The following NSUN6 variants were observed in gnomAD, a reference collection of about 807,000 sequenced individuals.
NSUN6 encodes the protein NOP2/Sun RNA methyltransferase 6.
In NSUN6, 64 loss-of-function variants were observed where a neutral mutation model predicts 58.0. The ratio of observed to expected loss-of-function variants is 1.10; its 90% CI spans 0.90 to 1.36. NSUN6 has a LOEUF of 1.36. Among genes scored for constraint, NSUN6 ranks in the 40% most tolerant of loss-of-function variants. The probability of loss-of-function intolerance (pLI) is 0.00; values close to 1 mark genes in which losing one functional copy is unlikely to be tolerated. For missense variants in NSUN6, 701 were observed against 550.1 expected (o/e 1.27, Z -2.74); for synonymous variants, 231 against 193.9 (o/e 1.19, Z -1.59).
chr10:18,636,042 A>C (rs1459176027), intron 3 of NSUN6, among the ~76,000 whole-genome samples: 3 of 151,622 alleles, frequency 2.0e-5, no homozygotes, highest in Non-Finnish European at 4.4e-5. Context: ...TTGATACCAC[A>C]GGTTATAAAA....
At chr10:18,549,573 G>C (rs1226960284) in intron 9 of NSUN6, among the ~76,000 whole-genome samples, 2 of 152,062 alleles carry the variant, frequency 1.3e-5, no homozygotes, top group African/African-American at 4.8e-5. Context: ...TCGTGAATAA[G>C]GGCATGGAGT....
At chr10:18,632,776 G>A (rs1323637996) in intron 3 of NSUN6, among the ~76,000 whole-genome samples, 2 of 152,146 alleles carry the variant, frequency 1.3e-5, no homozygotes, top group South Asian at 4.1e-4. Flanking sequence ...GAGAGGATGT[G>A]GAGAAATAGG....
At chr10:18,552,640 T>C (rs1467428869) in intron 8 of NSUN6, among the ~76,000 whole-genome samples, 1 of 151,972 alleles carries the variant, frequency 6.6e-6, no homozygotes, top group Non-Finnish European at 1.5e-5. Context: ...CATTCCGCAT[T>C]CCATTCCATT....
At chr10:18,571,578 A>G (rs150632427) in intron 8 of NSUN6, among the ~76,000 whole-genome samples, 145 of 142,252 alleles carry the variant, frequency 1.0e-3, no homozygotes, top group Non-Finnish European at 1.9e-3. Context: ...GTCTATTCCA[A>G]TGTCCATTCC....
chr10:18,584,945 T>A (rs2057062041), intron 8 of NSUN6, among the ~76,000 whole-genome samples: 1 of 145,732 alleles, frequency 6.9e-6, no homozygotes. Flanking sequence ...TAAAACTATC[T>A]CTCAAAAATA....
intron 8 of NSUN6, among the ~76,000 whole-genome samples, chr10:18,585,678 T>C (rs1352785505): frequency 6.6e-6 from 1 of 152,154 alleles, no homozygotes; most frequent in East Asian, 1.9e-4. Context: ...GGAGACACTG[T>C]TCAAAGGGTA....
intron 8 of NSUN6, among the ~76,000 whole-genome samples, chr10:18,575,929 C>T (rs1208641502): frequency 1.3e-5 from 2 of 152,012 alleles, no homozygotes; most frequent in Non-Finnish European, 2.9e-5. Flanking sequence ...GCATCAAGAT[C>T]AGCCTGGGGA....
chr10:18,584,191 G>A (rs947445517), intron 8 of NSUN6, among the ~76,000 whole-genome samples: 4 of 152,194 alleles, frequency 2.6e-5, no homozygotes, highest in Non-Finnish European at 5.9e-5. Flanking sequence ...AATCATGCCT[G>A]CTTGGCCACT....
At chr10:18,601,456 C>T (rs1303924882) in intron 6 of NSUN6, among the ~76,000 whole-genome samples, 1 of 152,116 alleles carries the variant, frequency 6.6e-6, no homozygotes, top group Non-Finnish European at 1.5e-5. Context: ...CCGAGTGTTT[C>T]AGTGTATGTT....
At chr10:18,637,656 G>C (rs1042962910) in intron 3 of NSUN6, among the ~76,000 whole-genome samples, 15 of 152,196 alleles carry the variant, frequency 9.9e-5, no homozygotes, top group African/African-American at 2.9e-4. Flanking sequence ...ACATGCTTAT[G>C]CAAGTCCACA....
intron 6 of NSUN6, among the ~76,000 whole-genome samples, chr10:18,599,779 T>G (rs529498501): frequency 3.2e-4 from 48 of 152,312 alleles, no homozygotes; most frequent in African/African-American, 1.1e-3. Flanking sequence ...AATGAGGCAA[T>G]TAAAAAATTC....
chr10:18,604,075 G>A (rs551537121), intron 6 of NSUN6, among the ~76,000 whole-genome samples: 21 of 152,104 alleles, frequency 1.4e-4, no homozygotes, highest in Admixed American at 7.9e-4. Context: ...CCACCTACTC[G>A]GGAGGCTGAA....
At chr10:18,643,271 G>A (rs2059441599) in intron 2 of NSUN6, among the ~76,000 whole-genome samples, 1 of 151,188 alleles carries the variant, frequency 6.6e-6, no homozygotes. Context: ...GAAGACAATT[G>A]GACACCCTAC....
intron 7 of NSUN6, 29 bp downstream of exon 7, chr10:18,596,179 G>T: frequency 6.3e-7 from 1 of 1,581,184 alleles, no homozygotes; most frequent in South Asian, 1.1e-5. Context: ...ACTACTTTGA[G>T]AGTGGATTTG....
At chr10:18,564,898 C>T (rs1192121255) in intron 8 of NSUN6, among the ~76,000 whole-genome samples, 1 of 149,282 alleles carries the variant, frequency 6.7e-6, no homozygotes, top group East Asian at 2.0e-4. Flanking sequence ...CATTTCATTG[C>T]ATTCTATTCT....
chr10:18,628,638 T>G (rs1170075573), intron 3 of NSUN6, among the ~76,000 whole-genome samples: 1 of 152,058 alleles, frequency 6.6e-6, no homozygotes, highest in Non-Finnish European at 1.5e-5. Context: ...TGTGATCAAC[T>G]GGAAGAAAGG....
intron 5 of NSUN6, among the ~76,000 whole-genome samples, chr10:18,610,327 G>A (rs1456567744): frequency 2.0e-5 from 3 of 151,844 alleles, no homozygotes; most frequent in African/African-American, 7.3e-5. Context: ...CAGCCTGGGC[G>A]TCAAGAGTGA....
At chr10:18,608,017 A>G (rs564505376) in intron 6 of NSUN6, among the ~76,000 whole-genome samples, 6 of 152,206 alleles carry the variant, frequency 3.9e-5, no homozygotes, top group Admixed American at 6.5e-5. Flanking sequence ...AGCATCCCTT[A>G]TAAGTTTCAA....
chr10:18,629,546 A>G (rs1424638378), intron 3 of NSUN6, among the ~76,000 whole-genome samples: 2 of 138,032 alleles, frequency 1.4e-5, no homozygotes, highest in African/African-American at 2.6e-5. Context: ...CTCAAAATAA[A>G]AGGATGGAGG....
Sources: allele counts gnomAD v4.1 joint callset (sites outside exome capture counted in the v4.1 genomes callset), GRCh38; gene constraint gnomAD v4.1.1; transcripts MANE v1.5; gene names NCBI Gene and HGNC (gene_info 2026-07-23, HGNC 2026-07-21).